Variants in GRM5 observed in about 807,000 individuals in gnomAD.
GRM5 encodes the protein glutamate metabotropic receptor 5, also known as metabotropic glutamate receptor 5.
In GRM5, 19 loss-of-function variants were observed where a neutral mutation model predicts 83.1. The ratio of observed to expected loss-of-function variants is 0.23; its 90% CI spans 0.16 to 0.34. The LOEUF (loss-of-function observed/expected upper bound fraction) is 0.34. Among genes scored for constraint, GRM5 ranks in the 10% least tolerant of loss-of-function variants. The probability of loss-of-function intolerance (pLI) is 1.00; values close to 1 mark genes in which losing one functional copy is unlikely to be tolerated. For synonymous variants in GRM5, 675 were observed against 633.6 expected, an observed-to-expected ratio of 1.07 and a Z score of -0.98; for missense variants, 1,160 against 1,588.3, an observed-to-expected ratio of 0.73 and a Z score of 4.58.
chr11:88,778,451 G>A (rs1439408856), intron 3 of GRM5, among the ~76,000 whole-genome samples: 1 of 152,148 alleles, frequency 6.6e-6, no homozygotes, highest in Non-Finnish European at 1.5e-5. Context: ...CACCCTCTGT[G>A]GGCTGCACCC....
chr11:88,860,768 A>G (rs1359996534), intron 2 of GRM5, among the ~76,000 whole-genome samples: 2 of 152,206 alleles, frequency 1.3e-5, no homozygotes, highest in African/African-American at 4.8e-5. Context: ...GAGAAGGAAG[A>G]ATTAAAATGT....
chr11:88,590,813 C>A, intron 6 of GRM5, 86 bp from the exon 7 acceptor site: 1 of 910,216 alleles, frequency 1.1e-6, no homozygotes, highest in South Asian at 1.6e-5. Flanking sequence ...TTTTGCAAAG[C>A]AGAAAGGCCT....
intron 3 of GRM5, among the ~76,000 whole-genome samples, chr11:88,814,247 G>C (rs1943632650): frequency 6.6e-6 from 1 of 152,102 alleles, no homozygotes; most frequent in South Asian, 2.1e-4. Flanking sequence ...TAGCCACAAG[G>C]GAATTTCCAG....
intron 2 of GRM5, among the ~76,000 whole-genome samples, chr11:88,975,978 T>C (rs1251086924): frequency 6.6e-6 from 1 of 152,234 alleles, no homozygotes; most frequent in South Asian, 2.1e-4. Context: ...CAGAGAGCTA[T>C]GGTCTCACGT....
chr11:88,962,804 T>A (rs887126289), intron 2 of GRM5, among the ~76,000 whole-genome samples: 1 of 152,140 alleles, frequency 6.6e-6, no homozygotes, highest in Non-Finnish European at 1.5e-5. Context: ...CAATAAAAAC[T>A]TACCATCCCA....
intron 8 of GRM5, among the ~76,000 whole-genome samples, chr11:88,534,897 C>T (rs764078181): frequency 2.8e-4 from 43 of 152,156 alleles, no homozygotes; most frequent in Non-Finnish European, 4.4e-4. Flanking sequence ...GTAAGTCTCA[C>T]AAGAGCTGAT....
chr11:88,851,548 G>A (rs1944390450), intron 2 of GRM5, among the ~76,000 whole-genome samples: 1 of 152,208 alleles, frequency 6.6e-6, no homozygotes, highest in African/African-American at 2.4e-5. Context: ...ACAACTCTGT[G>A]ATAAAGGTTA....
chr11:88,993,487 A>C (rs1349629535), intron 2 of GRM5, among the ~76,000 whole-genome samples: 1 of 152,038 alleles, frequency 6.6e-6, no homozygotes, highest in African/African-American at 2.4e-5. Context: ...ATACTTTCTA[A>C]ATTATAGTAG....
chr11:88,734,140 T>C (rs1336544432), intron 3 of GRM5, among the ~76,000 whole-genome samples: 1 of 151,992 alleles, frequency 6.6e-6, no homozygotes, highest in African/African-American at 2.4e-5. Context: ...GTGGAATTCC[T>C]GCAATTCAGT....
chr11:88,854,999 G>A (rs1944448846), intron 2 of GRM5, among the ~76,000 whole-genome samples: 1 of 151,570 alleles, frequency 6.6e-6, no homozygotes, highest in Non-Finnish European at 1.5e-5. Context: ...TAACAGCATA[G>A]ACAAGGTGTA....
intron 2 of GRM5, among the ~76,000 whole-genome samples, chr11:89,040,604 A>G (rs1365977856): frequency 6.6e-6 from 1 of 152,126 alleles, no homozygotes; most frequent in Non-Finnish European, 1.5e-5. Context: ...GGGAGGCTGA[A>G]CCAGGAGGAT....
chr11:88,836,853 T>G (rs189820406), intron 3 of GRM5, among the ~76,000 whole-genome samples: 1 of 151,928 alleles, frequency 6.6e-6, no homozygotes, highest in African/African-American at 2.4e-5. Context: ...AAAAAACAAA[T>G]CTAGAAAACA....
At chr11:88,597,489 A>T in intron 5 of GRM5, 137 bp from the exon 6 acceptor site, 1 of 521,308 alleles carries the variant, frequency 1.9e-6, no homozygotes, top group Non-Finnish European at 3.3e-6. Context: ...GTACACTTAG[A>T]ATAACAAAAA....
intron 3 of GRM5, among the ~76,000 whole-genome samples, chr11:88,658,687 A>G (rs1427990161): frequency 6.6e-6 from 1 of 152,172 alleles, no homozygotes; most frequent in Non-Finnish European, 1.5e-5. Context: ...GAGTTGAACT[A>G]AGTTTGAAAA....
intron 7 of GRM5, among the ~76,000 whole-genome samples, chr11:88,590,271 T>C (rs1937614803): frequency 6.6e-6 from 1 of 152,178 alleles, no homozygotes; most frequent in Non-Finnish European, 1.5e-5. Context: ...CTAAAACTTC[T>C]TTCTCTTCAC....
In GRM5 at chr11:88,982,774, A is replaced by T. The variant is rs899817516; in HGVS notation, c.661+64438T>A. 1.1e-4 allele frequency among the ~76,000 whole-genome samples: 17 copies of T among 152,164 alleles called. 1 individual carries two copies. On this transcript the variant is annotated intron_variant, in intron 2 of 9. Transcript: ENST00000305447. ...GTACATTTGTACTGATTTCCATCTT[A>T]TATAGAAGTTGGCCGGGTGCAGTGG...
intron 2 of GRM5, among the ~76,000 whole-genome samples, chr11:88,917,535 C>A (rs1019647832): frequency 2.6e-5 from 4 of 152,086 alleles, no homozygotes; most frequent in African/African-American, 4.8e-5. Context: ...GATATGTGAC[C>A]TTTCAGATAA....
chr11:89,009,793 C>G (rs1200661139), intron 2 of GRM5, among the ~76,000 whole-genome samples: 1 of 145,768 alleles, frequency 6.9e-6, no homozygotes, highest in African/African-American at 2.5e-5. Flanking sequence ...CCCAGCTACT[C>G]GGGAGGCTGA....
At chr11:88,872,346 C>T (rs1944783761) in intron 2 of GRM5, among the ~76,000 whole-genome samples, 1 of 151,450 alleles carries the variant, frequency 6.6e-6, no homozygotes, top group Non-Finnish European at 1.5e-5. Context: ...AATTAGTAAT[C>T]ATTTAAATTT....
Sources: gnomAD v4.1 joint callset for allele counts (sites outside exome capture counted in the v4.1 genomes callset) on GRCh38, gnomAD v4.1.1 for gene constraint, MANE v1.5 for transcripts, NCBI Gene and HGNC (gene_info 2026-07-23, HGNC 2026-07-21) for gene names.